PLAGL1: variants seen among roughly 807,000 people sequenced by gnomAD.
PLAGL1 encodes zinc finger protein PLAGL1.
PLAGL1 carries 1 observed loss-of-function variant against 4.6 expected under a neutral mutation model. The ratio of observed to expected loss-of-function variants is 0.22; its 90% CI spans 0.08 to 1.03. PLAGL1 has a LOEUF of 1.03. Among genes scored for constraint, PLAGL1 ranks in the 50% least tolerant of loss-of-function variants. The probability of loss-of-function intolerance (pLI) is 0.58; values close to 1 mark genes in which losing one functional copy is unlikely to be tolerated. For synonymous variants in PLAGL1, 240 were observed against 237.8 expected (o/e 1.01, Z -0.08); for missense variants, 464 against 570.4 (o/e 0.81, Z 1.90).
At position 143,950,466 on chromosome 6, in the gene PLAGL1, C is replaced by T. The variant is rs966645634; in HGVS notation, c.-324-2006G>A. ...AGGTATCATGATCTGTTCTACTTCT[C>T]ACCCAGCCTAAGTTTGGCCATAATA... On this transcript the variant is annotated intron_variant, in intron 6 of 7. Transcript: ENST00000674357. This position sits in a 1 kb window ranked among gnomAD's most constrained non-coding sequence, Gnocchi z 6.3. 4.6e-5 allele frequency among the ~76,000 whole-genome samples: 7 copies of T among 152,194 alleles called. No individual in the cohort carries two copies. Among genetic ancestry groups the T allele is most frequent in the African/African-American group, 7.2e-5 (3 of 41,444 alleles).
rs1029180705 is a variant in PLAGL1, at chr6:144,039,481, G to C, written c.-151+24987C>G. Among the ~76,000 whole-genome samples, 3 of 152,160 alleles carry C rather than the reference G, an allele frequency of 2.0e-5. No individual in the cohort carries two copies. Among genetic ancestry groups the C allele is most frequent in the African/African-American group, 7.2e-5 (3 of 41,428 alleles). On this transcript the variant is annotated intron_variant, in intron 1 of 3. Coordinates refer to the PLAGL1 transcript ENST00000437412. This position sits in a 1 kb window ranked among gnomAD's most constrained non-coding sequence, Gnocchi z 4.1. The stretch of plus-strand genomic sequence containing the variant: ...CATGCTTGTAATCCCAGCTACTCAA[G>C]AGGCTGAGACACGAGAATTGCTTGA...
At chr6:144,040,780 G>A (rs1046551834) in intron 1 of PLAGL1, among the ~76,000 whole-genome samples, 1 of 152,194 alleles carries the variant, frequency 6.6e-6, no homozygotes, top group African/African-American at 2.4e-5. Flanking sequence ...GGCTGAGACA[G>A]GAGAATTGCT....
chr6:144,008,474 A>C (rs1165852926), upstream of PLAGL1: 1 of 151,894 alleles, frequency 6.6e-6, no homozygotes, highest in Non-Finnish European at 1.5e-5. This position sits in a 1 kb window ranked among gnomAD's most constrained non-coding sequence, Gnocchi z 6.9. Flanking sequence ...TGGCAGGAGG[A>C]GGCCCCGCCG....
intron 1 of PLAGL1, among the ~76,000 whole-genome samples, chr6:144,026,644 C>G (rs1172921311): frequency 6.6e-6 from 1 of 152,002 alleles, no homozygotes; most frequent in Non-Finnish European, 1.5e-5. Context: ...TCATCTATAC[C>G]CAAGCCCGAC....
Position 144,030,281 on chromosome 6 carries a change from A to AAAAAAAG in PLAGL1, c.-151+34186_-151+34187insCTTTTTT, listed in dbSNP as rs1296064916. ...AAAAAAAAAAAAAAAAAAAAAAAAAAAAGAAGATGTAAATTTTAATACAAT... is the reference window on the plus strand; with the variant it reads ...AAAAAAAAAAAAAAAAAAAAAAAAAAAAAAAAGAAGAAGATGTAAATTTTAATACAAT... On this transcript the variant is annotated intron_variant, in intron 1 of 3. Transcript: ENST00000437412. Among the ~76,000 whole-genome samples, 178 of 132,928 alleles carry AAAAAAAG rather than the reference A, an allele frequency of 1.3e-3. 10 individuals are homozygous for AAAAAAAG. The highest frequency in any genetic ancestry group is 5.0e-3 in the African/African-American group (157 of 31,614). The allele number at this position is 132,928 out of a possible 152,430, so 87.2% of individuals were successfully genotyped here. A position where few individuals can be genotyped will look rare whatever the true frequency, so the allele number is the denominator to read the frequency against.
At chr6:143,974,331 G>A (rs1230530786) in intron 2 of PLAGL1, among the ~76,000 whole-genome samples, 3 of 151,526 alleles carry the variant, frequency 2.0e-5, no homozygotes, top group Non-Finnish European at 2.9e-5. Flanking sequence ...GAACCCACTC[G>A]GTGAGGCAGA....
rs1474415186 is a variant in PLAGL1 at position 143,958,963 on chromosome 6, C to A, written c.-325+1506G>T. On this transcript the variant is annotated intron_variant, in intron 6 of 7. Transcript: ENST00000674357. The surrounding 1 kb of genome is among the most constrained non-coding windows in gnomAD (Gnocchi z 5.1). The stretch of plus-strand genomic sequence containing the variant: ...TTAGGTCCTTTGTTTGTTTAACAAA[C>A]CATTACAATCATACCCAGTTCAATG... 6.6e-6 allele frequency among the ~76,000 whole-genome samples: 1 copy of A among 152,208 alleles called. No individual in the cohort carries two copies. Among genetic ancestry groups the A allele is most frequent in the Non-Finnish European group, 1.5e-5 (1 of 68,042 alleles).
rs1785495971 is a variant in PLAGL1 at position 143,971,917 on chromosome 6, A to C, written c.-543-2939T>G. On this transcript the variant is annotated intron_variant, in intron 2 of 7. Transcript: ENST00000674357. The surrounding 1 kb of genome is among the most constrained non-coding windows in gnomAD (Gnocchi z 4.7). ...TTACGTTGTGGTTTATTTTTAGGAA[A>C]GAATAACAGAGAAGAGAGCTTGGAT... Among the ~76,000 whole-genome samples, 1 of 152,244 alleles carries C rather than the reference A, an allele frequency of 6.6e-6. No individual in the cohort carries two copies. The highest frequency in any genetic ancestry group is 1.5e-5 in the Non-Finnish European group (1 of 68,046).
chr6:143,954,305 AC>A lies in PLAGL1; in HGVS notation c.-324-5846del, dbSNP rs1428113829. Among the ~76,000 whole-genome samples the A allele has an allele frequency of 6.6e-6, 1 of 152,128 alleles. No individual in the cohort carries two copies. The highest frequency in any genetic ancestry group is 1.5e-5 in the Non-Finnish European group (1 of 68,010). ...AAAAAGTAACGGGGAAAAAAAGACT[AC>A]GGGGGGAAGGAAACTTCAAAAATAA... On this transcript the variant is annotated intron_variant, in intron 6 of 7. Transcript: ENST00000674357. This position sits in a 1 kb window ranked among gnomAD's most constrained non-coding sequence, Gnocchi z 5.1.
chr6:144,051,921 G>GA (rs1409705389), intron 1 of PLAGL1, among the ~76,000 whole-genome samples: 2 of 152,228 alleles, frequency 1.3e-5, no homozygotes, highest in African/African-American at 4.8e-5. Flanking sequence ...AATTCAAGAT[G>GA]AAATTTGGGT....
At chr6:144,024,636 T>C (rs1796210919) in intron 1 of PLAGL1, among the ~76,000 whole-genome samples, 1 of 152,208 alleles carries the variant, frequency 6.6e-6, no homozygotes, top group South Asian at 2.1e-4. Flanking sequence ...CTTAGGTATG[T>C]CTTTATTAGC....
rs1785446677 is a variant in PLAGL1 at position 143,971,628 on chromosome 6, T to G, written c.-543-2650A>C. On this transcript the variant is annotated intron_variant, in intron 2 of 7. Coordinates refer to ENST00000674357, the MANE Select transcript of PLAGL1 (RefSeq NM_001317162.2). The surrounding 1 kb of genome is among the most constrained non-coding windows in gnomAD (Gnocchi z 4.7). ...ACTAGTCAGTGCTTCAGAATCAAAA[T>G]TTCCCTTAGACTTTTCACTAAGAAG... Among the ~76,000 whole-genome samples, 1 of 152,244 alleles carries G rather than the reference T, an allele frequency of 6.6e-6. No individual in the cohort carries two copies. Among genetic ancestry groups the G allele is most frequent in the South Asian group, 2.1e-4 (1 of 4,836 alleles).
chr6:144,020,157 G>C (rs1008234759), intron 1 of PLAGL1, among the ~76,000 whole-genome samples: 9 of 152,108 alleles, frequency 5.9e-5, no homozygotes. Context: ...CCACGAACTA[G>C]AAAGAGAGCC....
At position 143,941,569 on chromosome 6, in the gene PLAGL1, C is replaced by T. The variant is rs764191640; in HGVS notation, c.1247G>A (p.Ser416Asn). Residue 416 changes from serine (S) to asparagine (N), a missense_variant, in exon 8 of 8, where the codon AGC becomes AAC. Ser to Asn is a conservative substitution (Grantham distance 46, BLOSUM62 1). Transcript: ENST00000674357. The surrounding 1 kb of genome is among the most constrained non-coding windows in gnomAD (Gnocchi z 6.0). ...GPGESLPHRLSCLGQQQQEPP... is the reference protein window; with the variant it reads ...GPGESLPHRLNCLGQQQQEPP... ...TTCTTGCTGCTGCTGCCCCAGACAGCTTAACCTGTGGGGCAAAGATTCCCC... is the reference window on the plus strand; with the variant it reads ...TTCTTGCTGCTGCTGCCCCAGACAGTTTAACCTGTGGGGCAAAGATTCCCC... The T allele has an allele frequency of 5.6e-6, 9 of 1,599,568 alleles. No individual in the cohort carries two copies. Among genetic ancestry groups the T allele is most frequent in the Non-Finnish European group, 7.7e-6 (9 of 1,172,314 alleles).
rs1241937139 is a variant in PLAGL1 at position 144,064,260 on chromosome 6, C to G, written c.-151+208G>C. 6.6e-6 allele frequency among the ~76,000 whole-genome samples: 1 copy of G among 152,172 alleles called. No homozygotes were observed. Among genetic ancestry groups the G allele is most frequent in the African/African-American group, 2.4e-5 (1 of 41,448 alleles). ...AAGGTGGCCGCCGGTGTCCCAAGCA[C>G]CGACCGCCATCCCCGGCAGGACGCA... On this transcript the variant is annotated intron_variant, in intron 1 of 3. Coordinates refer to the PLAGL1 transcript ENST00000437412. This position sits in a 1 kb window ranked among gnomAD's most constrained non-coding sequence, Gnocchi z 6.8.
chr6:144,018,477 C>T (rs1459313079), intron 1 of PLAGL1, among the ~76,000 whole-genome samples: 1 of 152,006 alleles, frequency 6.6e-6, no homozygotes, highest in Non-Finnish European at 1.5e-5. Flanking sequence ...TGGTGACTAT[C>T]GTTAATATAA....
At position 144,022,095 on chromosome 6, in the gene PLAGL1, A is replaced by T. The variant is rs1219179598; in HGVS notation, c.-151+42373T>A. The stretch of plus-strand genomic sequence containing the variant: ...CACCAAAAGAATTTTTTAAAAACCA[A>T]CATTCCAAAGACAAACCACAGATTG... On this transcript the variant is annotated intron_variant, in intron 1 of 3. Coordinates refer to the PLAGL1 transcript ENST00000437412. This position sits in a 1 kb window ranked among gnomAD's most constrained non-coding sequence, Gnocchi z 4.2. Among the ~76,000 whole-genome samples, 1 of 152,224 alleles carries T rather than the reference A, an allele frequency of 6.6e-6. No individual in the cohort carries two copies. Among genetic ancestry groups the T allele is most frequent in the Admixed American group, 6.5e-5 (1 of 15,284 alleles).
At chr6:144,042,620 T>C (rs112024460) in intron 1 of PLAGL1, among the ~76,000 whole-genome samples, 2 of 152,208 alleles carry the variant, frequency 1.3e-5, no homozygotes, top group African/African-American at 4.8e-5. Flanking sequence ...TGCCTCCAGC[T>C]TTGTTCTTTT....
chr6:144,041,858 T>A (rs1370023177), intron 1 of PLAGL1, among the ~76,000 whole-genome samples: 1 of 152,216 alleles, frequency 6.6e-6, no homozygotes, highest in Non-Finnish European at 1.5e-5. Flanking sequence ...TTCCTGACTT[T>A]TTAATGATCA....
Sources: gnomAD v4.1 joint callset for allele counts (sites outside exome capture counted in the v4.1 genomes callset) on GRCh38, gnomAD v4.1.1 for gene constraint, Gnocchi (gnomAD v3.1) non-coding constraint, MANE v1.5 for transcripts, NCBI Gene and HGNC (gene_info 2026-07-23, HGNC 2026-07-21) for gene names.